The following HACD3 variants were observed in gnomAD, a reference collection of about 807,000 sequenced individuals.
The protein encoded by HACD3 is very-long-chain (3R)-3-hydroxyacyl-CoA dehydratase 3.
HACD3 carries 30 observed loss-of-function variants against 55.2 expected under a neutral mutation model. The observed-to-expected ratio is 0.54, with a 90% CI of 0.41 to 0.74. The LOEUF (loss-of-function observed/expected upper bound fraction) is 0.74, where lower values mean the gene tolerates loss of function less well. HACD3 is among the 30% of genes least tolerant of loss of function. HACD3 has a pLI of 0.00. For synonymous variants in HACD3, 141 were observed against 151.7 expected, an observed-to-expected ratio of 0.93 and a Z score of 0.52; for missense variants, 363 against 440.1, an observed-to-expected ratio of 0.82 and a Z score of 1.57.
chr15:65,537,954 AAAAAATATATATATATATAT>A (rs1354340357), intron 1 of HACD3, among the ~76,000 whole-genome samples: 9 of 8,208 alleles, frequency 1.1e-3, no homozygotes, highest in Admixed American at 7.7e-3. Context: ...AAAAAAAAAA[AAAAAATATATATATATATAT>A]ATATATATAT....
At chr15:65,547,631 C>T (rs2072090439) in intron 1 of HACD3, among the ~76,000 whole-genome samples, 1 of 152,236 alleles carries the variant, frequency 6.6e-6, no homozygotes, top group Non-Finnish European at 1.5e-5. Flanking sequence ...TGGAAGCAGG[C>T]CCTTTTAAAG....
Position 65,576,164 on chromosome 15 carries a change from T to A in HACD3, c.1013-139T>A. ...TATTGTATTGTTAATTTGTTCTAAA[T>A]TGTACTCCTTCCTGAGCCGCTGCAA... is the stretch of plus-strand genomic sequence containing the variant. On this transcript the variant is annotated intron_variant, in intron 10 of 10. Coordinates refer to ENST00000261875, the MANE Select transcript of HACD3 (RefSeq NM_016395.4). 4 of 1,260,640 alleles carry A rather than the reference T, an allele frequency of 3.2e-6. No individual in the cohort carries two copies. The South Asian group carries it at 4.3e-5, about 14-fold the overall frequency. The allele number at this position is 1,260,640 out of a possible 1,614,324, so 78.1% of individuals were successfully genotyped here.
At chr15:65,569,034 T>G (rs1306662549) in intron 7 of HACD3, among the ~76,000 whole-genome samples, 1 of 150,182 alleles carries the variant, frequency 6.7e-6, no homozygotes, top group African/African-American at 2.5e-5. Context: ...GATCACAAGG[T>G]CAGGAGATCG....
chr15:65,558,380 C>T (rs1030086610), intron 4 of HACD3, among the ~76,000 whole-genome samples: 8 of 152,182 alleles, frequency 5.3e-5, no homozygotes, highest in Admixed American at 1.3e-4. Flanking sequence ...TCTCTGACTG[C>T]GACAGATCTT....
intron 1 of HACD3, among the ~76,000 whole-genome samples, chr15:65,534,958 C>G (rs1193093757): frequency 6.6e-6 from 1 of 152,110 alleles, no homozygotes; most frequent in Non-Finnish European, 1.5e-5. Context: ...ATTAGCAGAC[C>G]TATTCATATA....
chr15:65,572,151 C>CTAA, intron 9 of HACD3, 84 bp from the exon 10 acceptor site: 4 of 1,550,356 alleles, frequency 2.6e-6, no homozygotes, highest in Non-Finnish European at 3.5e-6. Flanking sequence ...AGAACTGAAA[C>CTAA]TTTAGAGTAC....
At chr15:65,569,695 G>A (rs377017884) in intron 7 of HACD3, among the ~76,000 whole-genome samples, 5 of 152,176 alleles carry the variant, frequency 3.3e-5, no homozygotes, top group South Asian at 2.1e-4. Flanking sequence ...GTGACGGAGC[G>A]AGACCCCGTC....
At position 65,554,793 on chromosome 15, in the gene HACD3, T is replaced by C. The variant is rs1207241824; in HGVS notation, c.131-94T>C. The C allele has an allele frequency of 3.6e-6, 3 of 826,914 alleles. No homozygotes were observed. The African/African-American group carries it at 5.2e-5, about 14-fold the overall frequency. 51.2% of individuals were successfully genotyped at this position (826,914 alleles called of 1,614,324 possible). A position where few individuals can be genotyped will look rare whatever the true frequency, so the allele number is the denominator to read the frequency against. On this transcript the variant is annotated intron_variant, in intron 2 of 10. Coordinates refer to ENST00000261875, the MANE Select transcript of HACD3 (RefSeq NM_016395.4). ...CTGTCTCAAAAAAAAAAAAGTGTAATATTCGCATACTTGGGAAAGAACTGC... is the reference window on the plus strand; with the variant it reads ...CTGTCTCAAAAAAAAAAAAGTGTAACATTCGCATACTTGGGAAAGAACTGC...
At chr15:65,570,456 A>C (rs1456630813) in intron 8 of HACD3, among the ~76,000 whole-genome samples, 2 of 152,250 alleles carry the variant, frequency 1.3e-5, no homozygotes, top group Non-Finnish European at 2.9e-5. Context: ...GACTCATCTT[A>C]CCATGACTTC....
intron 1 of HACD3, among the ~76,000 whole-genome samples, chr15:65,539,210 CTTTTTTTTTTTTTT>C (rs71139414): frequency 9.2e-4 from 50 of 54,328 alleles, no homozygotes; most frequent in African/African-American, 3.7e-3. Context: ...AGTGACAGGA[CTTTTTTTTTTTTTT>C]TTTTTTTTTT....
chr15:65,551,183 C>T (rs150390095), intron 1 of HACD3: 1,578 of 154,746 alleles, frequency 0.01, 27 homozygotes, highest in African/African-American at 0.036. Flanking sequence ...CCACTCTATT[C>T]CTGTTGTGCT....
chr15:65,548,835 G>T (rs2072102349), intron 1 of HACD3, among the ~76,000 whole-genome samples: 1 of 152,060 alleles, frequency 6.6e-6, no homozygotes, highest in African/African-American at 2.4e-5. Context: ...CGAAGTGTTG[G>T]GATTATAGGC....
chr15:65,542,584 A>G (rs934388999), intron 1 of HACD3, among the ~76,000 whole-genome samples: 3 of 152,150 alleles, frequency 2.0e-5, no homozygotes, highest in African/African-American at 7.2e-5. Context: ...ATATCTAAAT[A>G]TATTTGCAAA....
At position 65,563,452 on chromosome 15, in the gene HACD3, A is replaced by G. The variant is rs547911113; in HGVS notation, c.532+568A>G. 9.8e-5 allele frequency among the ~76,000 whole-genome samples: 15 copies of G among 152,320 alleles called. No individual in the cohort carries two copies. The South Asian group carries it at 3.1e-3, about 32-fold the overall frequency. On this transcript the variant is annotated intron_variant, in intron 6 of 10. Transcript: ENST00000261875. ...ATTCTGAAACTTTATTTGATGAATA[A>G]ATAGGTAATAAAATTTAGGAGAAGA...
intron 1 of HACD3, among the ~76,000 whole-genome samples, chr15:65,533,792 C>G (rs180828203): frequency 8.5e-4 from 128 of 151,422 alleles, no homozygotes; most frequent in African/African-American, 3.0e-3. Flanking sequence ...TGGCTCATGC[C>G]TGTAATCCCA....
At chr15:65,530,923 C>T in intron 1 of HACD3, 1 of 538,428 alleles carries the variant, frequency 1.9e-6, no homozygotes, top group Admixed American at 3.8e-5. Flanking sequence ...CCGAGGGCTG[C>T]AGGAACCTTC....
chr15:65,544,254 C>T (rs570808609), intron 1 of HACD3, among the ~76,000 whole-genome samples: 2 of 152,276 alleles, frequency 1.3e-5, no homozygotes, highest in African/African-American at 4.8e-5. Flanking sequence ...AGAGAGGGTA[C>T]AGGCTGGTGG....
chr15:65,554,984 C>G (rs367637725), intron 3 of HACD3, 24 bp downstream of exon 3: 1 of 1,547,244 alleles, frequency 6.5e-7, no homozygotes. Flanking sequence ...TTTCTCACTT[C>G]CCTTCCCATT....
intron 7 of HACD3, chr15:65,565,583 A>G (rs552001097): frequency 4.9e-4 from 74 of 152,436 alleles, no homozygotes; most frequent in African/African-American, 1.7e-3. Context: ...TGAGCTGTAC[A>G]TTGGCCCCTC....
Sources: allele counts gnomAD v4.1 joint callset (sites outside exome capture counted in the v4.1 genomes callset), GRCh38; gene constraint gnomAD v4.1.1; transcripts MANE v1.5; gene names NCBI Gene and HGNC (gene_info 2026-07-23, HGNC 2026-07-21).